The following ALDH8A1 variants were observed in gnomAD, a reference collection of about 807,000 sequenced individuals.
ALDH8A1 encodes aldehyde dehydrogenase 8 family member A1.
ALDH8A1 carries 39 observed loss-of-function variants against 43.3 expected under a neutral mutation model. The observed-to-expected ratio is 0.90, with a 90% CI of 0.70 to 1.18. The LOEUF is 1.18. Among genes scored for constraint, ALDH8A1 ranks in the 50% most tolerant of loss-of-function variants. ALDH8A1 has a pLI of 0.00. For synonymous variants in ALDH8A1, 233 were observed against 243.5 expected, an observed-to-expected ratio of 0.96 and a Z score of 0.40; for missense variants, 605 against 622.6, an observed-to-expected ratio of 0.97 and a Z score of 0.30.
rs74848759 is a variant in ALDH8A1, at chr6:134,938,082, G to A, written c.592+1184C>T. On this transcript the variant is annotated intron_variant, in intron 4 of 6. Transcript: ENST00000265605. ...GCTTCTAAGAAAGGTGTTCCGAAGC[G>A]GGAGAGAGGGACGGACTCTTACCCA... 5.4e-4 allele frequency among the ~76,000 whole-genome samples: 82 copies of A among 152,338 alleles called. 2 individuals carry two copies. The East Asian group carries it at 0.012, about 22-fold the overall frequency.
intron 4 of ALDH8A1, among the ~76,000 whole-genome samples, chr6:134,934,711 AG>A (rs1773699163): frequency 6.6e-6 from 1 of 152,204 alleles, no homozygotes; most frequent in African/African-American, 2.4e-5. Context: ...TGAACCCAGG[AG>A]GCAGAGGTTG....
chr6:134,946,762 A>ACACAGGTGCACATGTGTGCGCGCGTG (rs1583038495), intron 1 of ALDH8A1, among the ~76,000 whole-genome samples: 3 of 77,620 alleles, frequency 3.9e-5, no homozygotes, highest in South Asian at 3.7e-4. Context: ...TGTGCTATGC[A>ACACAGGTGCACATGTGTGCGCGCGTG]CACAGGTGCG....
At chr6:134,938,256 C>T (rs992749547) in intron 4 of ALDH8A1, among the ~76,000 whole-genome samples, 1 of 152,194 alleles carries the variant, frequency 6.6e-6, no homozygotes, top group Non-Finnish European at 1.5e-5. Flanking sequence ...AAAGACCTCA[C>T]ATTAAGGGGA....
chr6:134,930,183 G>T (rs143769851), intron 5 of ALDH8A1, among the ~76,000 whole-genome samples: 2 of 152,198 alleles, frequency 1.3e-5, no homozygotes, highest in African/African-American at 4.8e-5. Flanking sequence ...AGAGTAGGCC[G>T]CAGAGTGGAT....
Position 134,918,061 on chromosome 6 carries a change from T to G in ALDH8A1, c.*354A>C. The G allele has an allele frequency of 3.8e-6, 1 of 263,738 alleles. No individual in the cohort carries two copies. The highest frequency in any genetic ancestry group is 5.0e-5 in the Admixed American group (1 of 19,912). The allele number at this position is 263,738 out of a possible 1,614,324, so 16.3% of individuals were successfully genotyped here. On this transcript the variant is annotated 3_prime_UTR_variant, in exon 7 of 7. Transcript: ENST00000265605. ...TATAGGCATGAGGCACTGTGCCTGA[T>G]TGCATATTTTTTAAAATTTACCAAA...
chr6:134,946,762 A>ACACAGGTGTGCATGTGTGCGCGCGTG (rs1562261554), intron 1 of ALDH8A1, among the ~76,000 whole-genome samples: 2 of 77,620 alleles, frequency 2.6e-5, no homozygotes, highest in African/African-American at 4.0e-5. Context: ...TGTGCTATGC[A>ACACAGGTGTGCATGTGTGCGCGCGTG]CACAGGTGCG....
chr6:134,929,383 G>C (rs1021516699), intron 5 of ALDH8A1, among the ~76,000 whole-genome samples, 168 bp from the exon 6 acceptor site: 21 of 152,268 alleles, frequency 1.4e-4, no homozygotes, highest in Admixed American at 5.2e-4. Context: ...TTGTGGGAAA[G>C]ACAAATAAGA....
At chr6:134,947,257 C>A (rs1220914997) in intron 1 of ALDH8A1, among the ~76,000 whole-genome samples, 1 of 151,982 alleles carries the variant, frequency 6.6e-6, no homozygotes, top group Non-Finnish European at 1.5e-5. Flanking sequence ...ATGTAAGACC[C>A]AAAACTATGA....
In ALDH8A1 at chr6:134,918,508, G is replaced by A. The variant is rs565832413; in HGVS notation, c.1371C>T (p.Phe457=). Residue 457 remains phenylalanine (F), a synonymous_variant, in exon 7 of 7, where the codon TTC becomes TTT. Coordinates refer to ENST00000265605, the MANE Select transcript of ALDH8A1 (RefSeq NM_022568.4). ...CWLIRELNLP[F]GGMKSSGIGR... ...CTATTCCAGAACTCTTCATCCCCCCGAAAGGAAGGTTCAGCTCCCTGATGA... is the reference window on the plus strand; with the variant it reads ...CTATTCCAGAACTCTTCATCCCCCCAAAAGGAAGGTTCAGCTCCCTGATGA... The A allele has an allele frequency of 8.1e-6, 13 of 1,614,124 alleles. No individual in the cohort carries two copies. The highest frequency in any genetic ancestry group is 2.2e-5 in the East Asian group (1 of 44,880).
Position 134,949,951 on chromosome 6 carries a change from C to A in ALDH8A1, c.103G>T (p.Val35Leu). Residue 35 changes from valine to leucine, a missense_variant, in exon 1 of 7, where the codon GTG becomes TTG. Transcript: ENST00000265605. ...CCACTATTTGGCACTCTGCAATACA[C>A]TTCCCCTGTTGATGGGTCGTAAGAA... The part of the protein sequence containing the change: ...IDSYDPSTGE[V>L]YCRVPNSGKD... 6.2e-7 allele frequency: 1 copy of A among 1,612,194 alleles called. No homozygotes were observed. Among genetic ancestry groups the A allele is most frequent in the Non-Finnish European group, 8.5e-7 (1 of 1,179,108 alleles).
In ALDH8A1 at chr6:134,937,644, TCTGCACGCCACCC is replaced by T. The variant is rs1773768094; in HGVS notation, c.592+1609_592+1621del. On this transcript the variant is annotated intron_variant, in intron 4 of 6. Coordinates refer to ENST00000265605, the MANE Select transcript of ALDH8A1 (RefSeq NM_022568.4). ...GAGAGAGTGGTTAAGGGAACACGGC[TCTGCACGCCACCC>T]CTGCCTCCAAATCCCAGTAGAGGGC... Among the ~76,000 whole-genome samples, 5 of 152,284 alleles carry T rather than the reference TCTGCACGCCACCC, an allele frequency of 3.3e-5. No individual in the cohort carries two copies. In the Middle Eastern group the frequency reaches 0.017, roughly 518 times the overall value.
At chr6:134,934,005 A>G (rs6939543) in intron 4 of ALDH8A1, among the ~76,000 whole-genome samples, 101,602 of 152,102 alleles carry the variant, frequency 0.67, 34,248 homozygotes, top group East Asian at 0.75. Context: ...CACCGCGCCC[A>G]GCCTATCCAT....
rs75029931 is a variant in ALDH8A1 at position 134,922,061 on chromosome 6, C to T, written c.1012-3194G>A. 2.3e-4 allele frequency among the ~76,000 whole-genome samples: 35 copies of T among 152,328 alleles called. No individual in the cohort carries two copies. The East Asian group carries it at 2.9e-3, about 13-fold the overall frequency. On this transcript the variant is annotated intron_variant, in intron 6 of 6. Coordinates refer to ENST00000265605, the MANE Select transcript of ALDH8A1 (RefSeq NM_022568.4). Reference sequence around the variant, plus strand: ...CCATATCTCATTTCATCTGTGCACACGCTCAGAGTGGAGCAGTGAGGATGG... The same window carrying T: ...CCATATCTCATTTCATCTGTGCACATGCTCAGAGTGGAGCAGTGAGGATGG...
intron 1 of ALDH8A1, among the ~76,000 whole-genome samples, chr6:134,948,327 A>G (rs1773988647): frequency 6.6e-6 from 1 of 152,156 alleles, no homozygotes; most frequent in African/African-American, 2.4e-5. Context: ...TAGAGTGACA[A>G]TAGTTAACAA....
intron 5 of ALDH8A1, among the ~76,000 whole-genome samples, chr6:134,930,857 A>G (rs138520869): frequency 7.0e-4 from 107 of 152,326 alleles, no homozygotes; most frequent in African/African-American, 2.4e-3. Context: ...TCATTCGTTG[A>G]GTGCCTATCG....
Position 134,926,808 on chromosome 6 carries a change from C to CA in ALDH8A1, c.1011+2245dup, listed in dbSNP as rs11392777. Among the ~76,000 whole-genome samples, 1,196 of 146,026 alleles carry CA rather than the reference C, an allele frequency of 8.2e-3. 8 individuals carry two copies. The highest frequency in any genetic ancestry group is 0.025 in the African/African-American group (987 of 39,462). ...TGGGCGACAGAGTAAGACTCTATCT[C>CA]AAAAAAAAAAAAAAGGGCAGTGTGT... is the stretch of plus-strand genomic sequence containing the variant. On this transcript the variant is annotated intron_variant, in intron 6 of 6. Transcript: ENST00000265605.
At chr6:134,935,211 AC>A (rs1190346324) in intron 4 of ALDH8A1, among the ~76,000 whole-genome samples, 1 of 152,142 alleles carries the variant, frequency 6.6e-6, no homozygotes, top group African/African-American at 2.4e-5. Context: ...AGCACATGGA[AC>A]TCAGACCAGT....
At chr6:134,925,696 T>C (rs1351843302) in intron 6 of ALDH8A1, among the ~76,000 whole-genome samples, 2 of 152,130 alleles carry the variant, frequency 1.3e-5, no homozygotes, top group Non-Finnish European at 2.9e-5. Flanking sequence ...CCAGGGAAGA[T>C]AGTCAGTAAA....
intron 6 of ALDH8A1, among the ~76,000 whole-genome samples, chr6:134,927,730 G>A (rs569443592): frequency 5.9e-5 from 9 of 152,298 alleles, no homozygotes; most frequent in Non-Finnish European, 1.2e-4. Context: ...TCACACTGAA[G>A]TACTGCCTGA....
Sources: gnomAD v4.1 joint callset for allele counts (sites outside exome capture counted in the v4.1 genomes callset) on GRCh38, gnomAD v4.1.1 for gene constraint, MANE v1.5 for transcripts, NCBI Gene and HGNC (gene_info 2026-07-23, HGNC 2026-07-21) for gene names.